Variants in RNASE11 observed in about 807,000 individuals in gnomAD.
RNASE11 encodes the protein ribonuclease A family member 11 (inactive), also known as putative inactive ribonuclease 11.
For synonymous variants in RNASE11, 105 were observed against 86.1 expected, an observed-to-expected ratio of 1.22 and a Z score of -1.21; for missense variants, 252 against 237.8, an observed-to-expected ratio of 1.06 and a Z score of -0.39.
intron 1 of RNASE11, among the ~76,000 whole-genome samples, chr14:20,586,550 T>G (rs1000484859): frequency 2.6e-5 from 4 of 152,218 alleles, no homozygotes; most frequent in Non-Finnish European, 5.9e-5. Flanking sequence ...GATAGATTAT[T>G]AAGAATTAAG....
At chr14:20,587,483 T>C in intron 1 of RNASE11, 80 bp downstream of exon 2, 1 of 588,496 alleles carries the variant, frequency 1.7e-6, no homozygotes, top group Non-Finnish European at 2.1e-6. Flanking sequence ...ACCTAAAGGA[T>C]GCATTTCATC....
chr14:20,585,050 TG>T (rs1884407002), intron 1 of RNASE11: 1 of 984,910 alleles, frequency 1.0e-6, no homozygotes, highest in Non-Finnish European at 1.2e-6. Context: ...AAGTTGATCC[TG>T]TAGAGGAAGA....
chr14:20,585,369 A>G (rs1340018454), intron 1 of RNASE11, among the ~76,000 whole-genome samples: 2 of 152,172 alleles, frequency 1.3e-5, no homozygotes, highest in East Asian at 1.9e-4. Flanking sequence ...ATTAAGTTGC[A>G]CTTCATTTTA....
At chr14:20,586,800 G>A (rs1884443353) in intron 1 of RNASE11, among the ~76,000 whole-genome samples, 1 of 152,152 alleles carries the variant, frequency 6.6e-6, no homozygotes, top group South Asian at 2.1e-4. Context: ...ATTTCAAGTG[G>A]GCAGCATTCA....
chr14:20,584,429 C>T, exon 2 of RNASE11: 4 of 1,612,254 alleles, frequency 2.5e-6, no homozygotes, highest in Non-Finnish European at 3.4e-6. Context: ...GATGCTTCTG[C>T]AAGAACCAGG....
At chr14:20,589,009 A>G (rs1375189398), upstream of RNASE11, among the ~76,000 whole-genome samples, 4 of 151,682 alleles carry the variant, frequency 2.6e-5, no homozygotes, top group East Asian at 7.8e-4. Context: ...CTGATCTCAA[A>G]CTCCTGACCT....
chr14:20,584,315 T>C lies in RNASE11; in HGVS notation c.160A>G (p.Asn54Asp), dbSNP rs200151964. Residue 54 changes from asparagine (N) to aspartate (D), a missense_variant, in exon 2 of 2, where the codon AAC (asparagine) becomes GAC (aspartate). Coordinates refer to ENST00000553849, the Ensembl canonical transcript of RNASE11. ...GTATTTTTAACTAACAGGATCGGGT[T>C]CATTAATATCTCAATGGTCTGTTTT... 427 of 1,614,192 alleles carry C rather than the reference T, an allele frequency of 2.6e-4. No individual in the cohort carries two copies. Among genetic ancestry groups the C allele is most frequent in the Admixed American group, 3.3e-4 (20 of 60,030 alleles).
chr14:20,590,149 AAATT>A, upstream of RNASE11: 1 of 1,469,950 alleles, frequency 6.8e-7, no homozygotes, highest in South Asian at 1.4e-5. Context: ...CAGGAAGGAT[AAATT>A]AATTACCAGT....
At chr14:20,590,181 A>G, upstream of RNASE11, 4 of 1,522,918 alleles carry the variant, frequency 2.6e-6, no homozygotes, top group Non-Finnish European at 3.5e-6. Context: ...CCTTCCGCTC[A>G]AGGCATTGCC....
exon 2 of RNASE11, chr14:20,583,798 T>C: frequency 6.9e-7 from 1 of 1,449,830 alleles, no homozygotes; most frequent in Non-Finnish European, 9.3e-7. Flanking sequence ...GAGTAGATAT[T>C]AAGGAAAGGT....
At chr14:20,583,872 G>T in exon 2 of RNASE11, 1 of 1,601,734 alleles carries the variant, frequency 6.2e-7, no homozygotes, top group Non-Finnish European at 8.5e-7. Flanking sequence ...AGCTCTGTGG[G>T]ATTTACAACT....
chr14:20,582,974 G>A (rs1884337279), downstream of RNASE11: 2 of 152,110 alleles, frequency 1.3e-5, no homozygotes, highest in African/African-American at 4.8e-5. Flanking sequence ...TTTAAGGAGA[G>A]GAATAGAAAC....
At chr14:20,588,668 C>G (rs890219385), upstream of RNASE11, among the ~76,000 whole-genome samples, 4 of 152,130 alleles carry the variant, frequency 2.6e-5, no homozygotes, top group Non-Finnish European at 5.9e-5. Context: ...CAGCTAGAAG[C>G]AGAGCTAGGA....
At chr14:20,585,703 A>G (rs376383321) in intron 1 of RNASE11, among the ~76,000 whole-genome samples, 3 of 152,336 alleles carry the variant, frequency 2.0e-5, no homozygotes, top group South Asian at 4.1e-4. Flanking sequence ...TGAAACATGT[A>G]ATTCAAGTGG....
chr14:20,588,573 G>A (rs1311000028), upstream of RNASE11, among the ~76,000 whole-genome samples: 1 of 152,032 alleles, frequency 6.6e-6, no homozygotes, highest in Non-Finnish European at 1.5e-5. Context: ...GACACAAAGG[G>A]AGCTGCTGAA....
chr14:20,588,984 A>C (rs1480971259), upstream of RNASE11, among the ~76,000 whole-genome samples: 3 of 151,956 alleles, frequency 2.0e-5, no homozygotes, highest in East Asian at 5.8e-4. Flanking sequence ...AGGAGGTTTC[A>C]CCATGTTGGC....
chr14:20,589,062 C>G (rs1884499667), upstream of RNASE11, among the ~76,000 whole-genome samples: 1 of 152,162 alleles, frequency 6.6e-6, no homozygotes, highest in South Asian at 2.1e-4. Context: ...GCTGGGATTA[C>G]AGGCATGAGC....
At chr14:20,582,990 G>T (rs1243599), downstream of RNASE11, 104,950 of 152,098 alleles carry the variant, frequency 0.69, 36,362 homozygotes, top group South Asian at 0.76. Flanking sequence ...GAAACATATG[G>T]CCACACATCG....
At chr14:20,589,286 A>G (rs1261938044), upstream of RNASE11, among the ~76,000 whole-genome samples, 2 of 135,452 alleles carry the variant, frequency 1.5e-5, no homozygotes, top group Admixed American at 7.4e-5. Flanking sequence ...ACGGAGTCTC[A>G]CTCTGCCGCC....
Sources: allele counts gnomAD v4.1 joint callset (sites outside exome capture counted in the v4.1 genomes callset), GRCh38; gene constraint gnomAD v4.1.1; transcripts MANE v1.5; gene names NCBI Gene and HGNC (gene_info 2026-07-23, HGNC 2026-07-21).